C12orf42: variants seen among roughly 807,000 people sequenced by gnomAD.
C12orf42 encodes the protein chromosome 12 open reading frame 42, also known as uncharacterized protein C12orf42.
In C12orf42, 25 loss-of-function variants were observed where a neutral mutation model predicts 21.6. The ratio of observed to expected loss-of-function variants is 1.16; its 90% CI spans 0.84 to 1.62. The LOEUF (loss-of-function observed/expected upper bound fraction) is 1.62, where lower values mean the gene tolerates loss of function less well. Among genes scored for constraint, C12orf42 ranks in the 40% most tolerant of loss-of-function variants. The pLI, the probability that C12orf42 is intolerant of heterozygous loss-of-function variation, is 0.00. For missense variants in C12orf42, 483 were observed against 459.3 expected (o/e 1.05, Z -0.47); for synonymous variants, 174 against 175.0 (o/e 0.99, Z 0.05).
At chr12:103,475,054 C>T (rs994313620) in intron 2 of C12orf42, among the ~76,000 whole-genome samples, 2 of 152,180 alleles carry the variant, frequency 1.3e-5, no homozygotes, top group African/African-American at 2.4e-5. Context: ...TGTGTTTTAG[C>T]AAGCACCCTG....
At chr12:103,277,718 C>T (rs2035855664) in intron 4 of C12orf42, among the ~76,000 whole-genome samples, 1 of 151,716 alleles carries the variant, frequency 6.6e-6, no homozygotes, top group South Asian at 2.1e-4. Flanking sequence ...CTCCCGGGTT[C>T]ACGCCATTCT....
At chr12:103,312,012 C>T (rs756746243) in intron 4 of C12orf42, among the ~76,000 whole-genome samples, 1 of 152,174 alleles carries the variant, frequency 6.6e-6, no homozygotes, top group Non-Finnish European at 1.5e-5. Flanking sequence ...ATCTTTCTAT[C>T]GATGGTCCTC....
chr12:103,218,598 G>T, the C12orf42 span, among the ~76,000 whole-genome samples: 1 of 152,154 alleles, frequency 6.6e-6, no homozygotes, highest in African/African-American at 2.4e-5. Context: ...CCCAGACACG[G>T]CAGGCAGAGG....
the C12orf42 span, among the ~76,000 whole-genome samples, chr12:103,545,514 GA>G: frequency 1.3e-5 from 2 of 152,020 alleles, no homozygotes; most frequent in African/African-American, 4.8e-5. Flanking sequence ...AAAATAAGGG[GA>G]AAAAACTATT....
At chr12:103,454,722 C>G (rs1292581424) in intron 2 of C12orf42, among the ~76,000 whole-genome samples, 1 of 152,134 alleles carries the variant, frequency 6.6e-6, no homozygotes, top group Non-Finnish European at 1.5e-5. Context: ...GCCCAGTTGC[C>G]AAAATCATCA....
At chr12:103,230,077 A>G in the C12orf42 span, among the ~76,000 whole-genome samples, 11,560 of 152,310 alleles carry the variant, frequency 0.076, 555 homozygotes, top group East Asian at 0.21. Flanking sequence ...TAAATGATCA[A>G]ATATTAATTA....
At chr12:103,245,268 G>A (rs576754458) in intron 10 of C12orf42, among the ~76,000 whole-genome samples, 4 of 152,188 alleles carry the variant, frequency 2.6e-5, no homozygotes, top group East Asian at 3.9e-4. Flanking sequence ...GTTATTTTCT[G>A]TATAACCGTG....
chr12:103,230,576 T>C, the C12orf42 span, among the ~76,000 whole-genome samples: 1 of 152,200 alleles, frequency 6.6e-6, no homozygotes, highest in South Asian at 2.1e-4. Flanking sequence ...CATGTGTCCA[T>C]CACAGAGTCA....
At chr12:103,171,103 A>G in the C12orf42 span, among the ~76,000 whole-genome samples, 2 of 152,088 alleles carry the variant, frequency 1.3e-5, no homozygotes, top group Admixed American at 1.3e-4. Context: ...TCTAGATAAC[A>G]CTCATCCAAG....
intron 3 of C12orf42, 38 bp downstream of exon 3, chr12:103,401,569 T>C (rs779738026): frequency 4.4e-6 from 7 of 1,587,408 alleles, no homozygotes; most frequent in Admixed American, 1.7e-5. Context: ...AGGACGGCAC[T>C]ATGGAGCAGC....
chr12:103,253,591 G>T (rs548226040), intron 10 of C12orf42, among the ~76,000 whole-genome samples: 61 of 152,202 alleles, frequency 4.0e-4, no homozygotes, highest in African/African-American at 1.4e-3. Context: ...CTTCACTCAT[G>T]ATTTGGCTCT....
intron 5 of C12orf42, 123 bp downstream of exon 5, chr12:103,305,851 T>A (rs1224008367): frequency 6.5e-6 from 8 of 1,237,342 alleles, no homozygotes; most frequent in Non-Finnish European, 8.9e-6. Flanking sequence ...ACTACAGTTC[T>A]TACAGTACCT....
At chr12:103,478,176 A>C (rs1205496818) in intron 2 of C12orf42, 173 bp downstream of exon 2, 2 of 528,574 alleles carry the variant, frequency 3.8e-6, no homozygotes. Context: ...GAAGGCATTT[A>C]AAATTATGCT....
At chr12:103,434,673 G>A (rs1372051290) in intron 2 of C12orf42, among the ~76,000 whole-genome samples, 1 of 152,126 alleles carries the variant, frequency 6.6e-6, no homozygotes. Flanking sequence ...ACTCCCACCC[G>A]AATATTGCGC....
the C12orf42 span, among the ~76,000 whole-genome samples, chr12:103,079,627 A>G: frequency 6.6e-6 from 1 of 152,214 alleles, no homozygotes; most frequent in Non-Finnish European, 1.5e-5. Flanking sequence ...AACAAACAAC[A>G]TGCACATTTC....
At chr12:103,272,928 C>G (rs1566009723) in intron 5 of C12orf42, among the ~76,000 whole-genome samples, 1 of 152,182 alleles carries the variant, frequency 6.6e-6, no homozygotes, top group Non-Finnish European at 1.5e-5. Context: ...CAGTATTTTC[C>G]AGACTCTCCG....
At chr12:103,156,824 C>T in the C12orf42 span, among the ~76,000 whole-genome samples, 2 of 152,150 alleles carry the variant, frequency 1.3e-5, no homozygotes, top group East Asian at 1.9e-4. Context: ...TTCATGGCTG[C>T]ATAGTATTCC....
chr12:103,489,383 C>T (rs1257760725), intron 1 of C12orf42, among the ~76,000 whole-genome samples: 1 of 152,218 alleles, frequency 6.6e-6, no homozygotes, highest in Non-Finnish European at 1.5e-5. Context: ...TGGGAGGTGT[C>T]TCCCAGTTAG....
intron 4 of C12orf42, among the ~76,000 whole-genome samples, chr12:103,353,026 C>T (rs2043229051): frequency 6.6e-6 from 1 of 152,096 alleles, no homozygotes; most frequent in Admixed American, 6.6e-5. Context: ...GCCCTAATCA[C>T]CATGTACTAA....
Sources: gnomAD v4.1 joint callset for allele counts (sites outside exome capture counted in the v4.1 genomes callset) on GRCh38, gnomAD v4.1.1 for gene constraint, MANE v1.5 for transcripts, NCBI Gene and HGNC (gene_info 2026-07-23, HGNC 2026-07-21) for gene names.